Variants in SARNP observed in about 807,000 individuals in gnomAD.
The protein encoded by SARNP is SAP domain-containing ribonucleoprotein.
SARNP carries 5 observed loss-of-function variants against 38.1 expected under a neutral mutation model. The observed-to-expected ratio is 0.13, with a 90% CI of 0.07 to 0.28. The LOEUF (loss-of-function observed/expected upper bound fraction) is 0.28, where lower values mean the gene tolerates loss of function less well. SARNP is among the 10% of genes least tolerant of loss of function. The pLI, the probability that SARNP is intolerant of heterozygous loss-of-function variation, is 1.00. For synonymous variants in SARNP, 84 were observed against 80.6 expected (o/e 1.04, Z -0.23); for missense variants, 180 against 243.9 (o/e 0.74, Z 1.75).
intron 9 of SARNP, among the ~76,000 whole-genome samples, chr12:55,781,219 C>T (rs1231077410): frequency 6.6e-6 from 1 of 152,212 alleles, no homozygotes; most frequent in Non-Finnish European, 1.5e-5. Flanking sequence ...TTTGAATTGA[C>T]TTTGTCTCAG....
chr12:55,771,867 G>A (rs182940624), intron 9 of SARNP, among the ~76,000 whole-genome samples: 4 of 152,274 alleles, frequency 2.6e-5, no homozygotes, highest in East Asian at 1.9e-4. Context: ...GCTTTCAGGC[G>A]ATGGTAGATT....
chr12:55,760,848 C>T (rs1319427967), intron 9 of SARNP: 4 of 515,758 alleles, frequency 7.8e-6, no homozygotes, highest in African/African-American at 5.7e-5. Context: ...TAATTTTAGG[C>T]AGGGCCTCAA....
At chr12:55,798,435 T>G (rs1379476383) in intron 4 of SARNP, among the ~76,000 whole-genome samples, 3 of 152,084 alleles carry the variant, frequency 2.0e-5, no homozygotes, top group African/African-American at 7.2e-5. Context: ...GAAACGGAGG[T>G]TGCAGTGAGC....
rs1474921021 is a variant in SARNP at position 55,801,464 on chromosome 12, T to C, written c.137-564A>G. 1.3e-5 allele frequency among the ~76,000 whole-genome samples: 2 copies of C among 151,930 alleles called. 1 individual carries two copies. Among genetic ancestry groups the C allele is most frequent in the Admixed American group, 1.3e-4 (2 of 15,230 alleles). On this transcript the variant is annotated intron_variant, in intron 2 of 10. Coordinates refer to ENST00000336133, the MANE Select transcript of SARNP (RefSeq NM_033082.4). ...TCTTGAATAACAAACAAAAAAAGTA[T>C]GTGGAAAAGTATCTTTGAGATTTAG... is the stretch of plus-strand genomic sequence containing the variant.
intron 1 of SARNP, among the ~76,000 whole-genome samples, chr12:55,805,388 T>G (rs1307007877): frequency 6.6e-6 from 1 of 152,106 alleles, no homozygotes. Context: ...CAACCTCTAC[T>G]GAGGAACATG....
intron 9 of SARNP, among the ~76,000 whole-genome samples, chr12:55,779,255 G>A (rs530156607): frequency 6.6e-6 from 1 of 152,186 alleles, no homozygotes; most frequent in Non-Finnish European, 1.5e-5. Context: ...CTAGGATGAA[G>A]GAGGGGGGAA....
intron 5 of SARNP, among the ~76,000 whole-genome samples, chr12:55,795,164 T>A (rs925932442): frequency 2.0e-5 from 3 of 152,014 alleles, no homozygotes; most frequent in Non-Finnish European, 4.4e-5. Context: ...TTCACCATGA[T>A]GGCCAGGCTG....
intron 2 of SARNP, 119 bp downstream of exon 2, chr12:55,803,510 G>C (rs142723905): frequency 2.6e-5 from 14 of 536,846 alleles, no homozygotes; most frequent in Middle Eastern, 5.2e-4. Context: ...GAGTTTTCTT[G>C]ATGCCGTTAA....
chr12:55,778,979 G>GCAAAACAAAA (rs374254023), intron 9 of SARNP, among the ~76,000 whole-genome samples: 1 of 151,854 alleles, frequency 6.6e-6, no homozygotes, highest in Non-Finnish European at 1.5e-5. Flanking sequence ...AAAAAGCAAA[G>GCAAAACAAAA]CAAAACAAAA....
intron 1 of SARNP, among the ~76,000 whole-genome samples, chr12:55,816,848 C>T (rs1262144109): frequency 7.2e-5 from 11 of 152,050 alleles, no homozygotes; most frequent in Middle Eastern, 3.4e-3. Context: ...TTTAAAATAG[C>T]TTCTGTGATT....
chr12:55,811,185 G>C (rs1422889277), intron 1 of SARNP, among the ~76,000 whole-genome samples: 1 of 152,138 alleles, frequency 6.6e-6, no homozygotes, highest in Non-Finnish European at 1.5e-5. Context: ...TATATGATGG[G>C]AACTCAAAAT....
intron 1 of SARNP, among the ~76,000 whole-genome samples, chr12:55,816,524 G>T (rs1468744597): frequency 6.6e-6 from 1 of 152,076 alleles, no homozygotes; most frequent in Non-Finnish European, 1.5e-5. Flanking sequence ...ACTAATTGGG[G>T]TCAACTAATA....
chr12:55,772,095 G>A (rs1188379415), intron 9 of SARNP, among the ~76,000 whole-genome samples: 1 of 152,094 alleles, frequency 6.6e-6, no homozygotes, highest in African/African-American at 2.4e-5. Context: ...ACAGAACATA[G>A]GGTGGTCCCA....
intron 9 of SARNP, among the ~76,000 whole-genome samples, chr12:55,771,740 G>A (rs568965558): frequency 6.6e-6 from 1 of 152,256 alleles, no homozygotes; most frequent in East Asian, 1.9e-4. Flanking sequence ...GATGTTAATA[G>A]TTCTCAGGCC....
rs117991018 is a variant in SARNP, at chr12:55,798,875, A to G, written c.251+1687T>C. Among the ~76,000 whole-genome samples the G allele has an allele frequency of 4.8e-3, 725 of 152,328 alleles. 3 individuals are homozygous for G. The highest frequency in any genetic ancestry group is 0.027 in the Middle Eastern group (8 of 294). ...AAACAAAAAGAGACCACTTCCTAGG[A>G]TAATTATCCTGACTTTACAGGGTCT... is the stretch of plus-strand genomic sequence containing the variant. On this transcript the variant is annotated intron_variant, in intron 4 of 10. Coordinates refer to ENST00000336133, the MANE Select transcript of SARNP (RefSeq NM_033082.4).
At chr12:55,773,627 C>T (rs1317077102) in intron 9 of SARNP, among the ~76,000 whole-genome samples, 1 of 152,168 alleles carries the variant, frequency 6.6e-6, no homozygotes, top group African/African-American at 2.4e-5. Context: ...TAGGTTGCAG[C>T]ACACAAAGGC....
chr12:55,808,107 T>C (rs1024285633), intron 1 of SARNP, among the ~76,000 whole-genome samples: 1 of 152,188 alleles, frequency 6.6e-6, no homozygotes, highest in Non-Finnish European at 1.5e-5. Flanking sequence ...TTTTACATAG[T>C]TGTATTACTT....
chr12:55,811,047 A>T (rs1565684607), intron 1 of SARNP, among the ~76,000 whole-genome samples: 3 of 150,618 alleles, frequency 2.0e-5, no homozygotes, highest in African/African-American at 2.4e-5. Flanking sequence ...ACGCCACTGC[A>T]CTCCAGCCTG....
intron 10 of SARNP, 127 bp downstream of exon 10, chr12:55,760,408 TCCTGGGCAACAGAGAC>T: frequency 6.7e-6 from 4 of 596,432 alleles, no homozygotes. Flanking sequence ...CACTCTCACT[TCCTGGGCAACAGAGAC>T]CCCAACTCGA....
Sources: gnomAD v4.1 joint callset for allele counts (sites outside exome capture counted in the v4.1 genomes callset) on GRCh38, gnomAD v4.1.1 for gene constraint, MANE v1.5 for transcripts, NCBI Gene and HGNC (gene_info 2026-07-23, HGNC 2026-07-21) for gene names.